BTG4: variants seen among roughly 807,000 people sequenced by gnomAD.
BTG4 encodes protein BTG4.
BTG4 carries 10 observed loss-of-function variants against 19.3 expected under a neutral mutation model. That is an observed-to-expected ratio of 0.52 (90% CI 0.32 to 0.88). The LOEUF is 0.88. Ranked by LOEUF, BTG4 falls within the 40% of genes least tolerant of loss-of-function variation. The pLI, the probability that BTG4 is intolerant of heterozygous loss-of-function variation, is 0.04. For synonymous variants in BTG4, 91 were observed against 95.7 expected, an observed-to-expected ratio of 0.95 and a Z score of 0.29; for missense variants, 238 against 281.9, an observed-to-expected ratio of 0.84 and a Z score of 1.11.
chr11:111,514,474 G>T (rs994142959), upstream of BTG4: 1 of 387,060 alleles, frequency 2.6e-6, no homozygotes, highest in Non-Finnish European at 4.8e-6. Flanking sequence ...TTTCTGGGGG[G>T]AGGGGAGAGG....
intron 1 of BTG4, among the ~76,000 whole-genome samples, chr11:111,509,117 G>A (rs1176447196): frequency 2.0e-5 from 3 of 152,090 alleles, no homozygotes; most frequent in Non-Finnish European, 4.4e-5. Flanking sequence ...TAAGAATCTG[G>A]TGCACTCTTA....
chr11:111,388,695 G>C, the BTG4 span, among the ~76,000 whole-genome samples: 3 of 152,126 alleles, frequency 2.0e-5, no homozygotes, highest in African/African-American at 7.2e-5. Context: ...TGCCTGTCCA[G>C]GACTCAAAGC....
At chr11:111,476,005 T>A (rs985041678) in intron 5 of BTG4, among the ~76,000 whole-genome samples, 1 of 152,050 alleles carries the variant, frequency 6.6e-6, no homozygotes, top group Non-Finnish European at 1.5e-5. Flanking sequence ...CCACCCCCCA[T>A]GATTCAATCA....
At chr11:111,451,323 G>A in the BTG4 span, 1 of 432,378 alleles carries the variant, frequency 2.3e-6, no homozygotes, top group Admixed American at 2.4e-5. Flanking sequence ...CCAGCTCTAT[G>A]AGCAAAGCCT....
the BTG4 span, among the ~76,000 whole-genome samples, chr11:111,409,942 G>A: frequency 6.6e-6 from 1 of 152,202 alleles, no homozygotes; most frequent in Admixed American, 6.5e-5. Context: ...CATACTTGGG[G>A]AAGTGAAAAC....
chr11:111,410,425 G>A, the BTG4 span, among the ~76,000 whole-genome samples: 1 of 152,138 alleles, frequency 6.6e-6, no homozygotes, highest in South Asian at 2.1e-4. Context: ...TGAGGCTTTG[G>A]CAGGAAATAT....
At chr11:111,392,632 C>A in the BTG4 span, among the ~76,000 whole-genome samples, 1 of 152,156 alleles carries the variant, frequency 6.6e-6, no homozygotes, top group Non-Finnish European at 1.5e-5. Context: ...AGAACCACAG[C>A]CTTATCTAGT....
At chr11:111,390,036 T>C in the BTG4 span, among the ~76,000 whole-genome samples, 2 of 152,258 alleles carry the variant, frequency 1.3e-5, no homozygotes, top group East Asian at 3.8e-4. Flanking sequence ...AGCCTCATTT[T>C]ACATATGAGG....
At chr11:111,401,481 CA>C in the BTG4 span, among the ~76,000 whole-genome samples, 51 of 137,884 alleles carry the variant, frequency 3.7e-4, no homozygotes, top group East Asian at 6.4e-4. Flanking sequence ...GACTCCGTCT[CA>C]AAAAAAAAAA....
chr11:111,438,521 A>G, the BTG4 span, among the ~76,000 whole-genome samples: 20 of 152,104 alleles, frequency 1.3e-4, no homozygotes, highest in Admixed American at 2.0e-4. Context: ...GCGCTTACCA[A>G]ATGTTGCCAG....
chr11:111,448,157 G>T, the BTG4 span, among the ~76,000 whole-genome samples: 14,190 of 152,274 alleles, frequency 0.093, 899 homozygotes, highest in Admixed American at 0.16. Flanking sequence ...TGAGCACAGA[G>T]AACCCTCAGG....
At chr11:111,402,334 A>C in the BTG4 span, among the ~76,000 whole-genome samples, 1 of 152,212 alleles carries the variant, frequency 6.6e-6, no homozygotes, top group Non-Finnish European at 1.5e-5. Context: ...CTTTATTAGC[A>C]GTGTGATTAA....
chr11:111,438,357 A>G, the BTG4 span, among the ~76,000 whole-genome samples: 1 of 152,206 alleles, frequency 6.6e-6, no homozygotes, highest in Non-Finnish European at 1.5e-5. Context: ...CAGGGCACAC[A>G]GCCAGCCTGC....
chr11:111,413,702 G>A, the BTG4 span, among the ~76,000 whole-genome samples: 1 of 152,242 alleles, frequency 6.6e-6, no homozygotes, highest in Non-Finnish European at 1.5e-5. Context: ...GCTGCTGCTG[G>A]CATCATTCTG....
chr11:111,395,209 G>A, the BTG4 span, among the ~76,000 whole-genome samples: 1 of 152,276 alleles, frequency 6.6e-6, no homozygotes, highest in Admixed American at 6.5e-5. Context: ...TCTGCTGCAG[G>A]TGCGGTCAGG....
chr11:111,389,886 G>A, the BTG4 span, among the ~76,000 whole-genome samples: 2 of 152,170 alleles, frequency 1.3e-5, no homozygotes. Context: ...AACAACTCCA[G>A]GAGTTCCATG....
chr11:111,420,539 G>C, the BTG4 span, among the ~76,000 whole-genome samples: 1 of 152,234 alleles, frequency 6.6e-6, no homozygotes, highest in Admixed American at 6.5e-5. Context: ...ATGAGACCAT[G>C]ATCATCTCAC....
chr11:111,498,206 T>C (rs975069991), intron 2 of BTG4, 71 bp from the exon 3 acceptor site: 1 of 1,551,738 alleles, frequency 6.4e-7, no homozygotes, highest in African/African-American at 1.4e-5. Context: ...ATTATGCACA[T>C]ACTGTTCCAA....
chr11:111,394,260 A>G, the BTG4 span, among the ~76,000 whole-genome samples: 1 of 152,136 alleles, frequency 6.6e-6, no homozygotes, highest in African/African-American at 2.4e-5. Flanking sequence ...TGCCCTTTCC[A>G]TACTGATATG....
Sources: allele counts gnomAD v4.1 joint callset (sites outside exome capture counted in the v4.1 genomes callset), GRCh38; gene constraint gnomAD v4.1.1; transcripts MANE v1.5; gene names NCBI Gene and HGNC (gene_info 2026-07-23, HGNC 2026-07-21).